The following GATAD2B variants were observed in gnomAD, a reference collection of about 807,000 sequenced individuals.
GATAD2B encodes GATA zinc finger domain containing 2B.
A neutral mutation model predicts 64.3 loss-of-function variants in GATAD2B; 8 were observed. The ratio of observed to expected loss-of-function variants is 0.12; its 90% CI spans 0.07 to 0.22. The LOEUF (loss-of-function observed/expected upper bound fraction) is 0.22, where lower values mean the gene tolerates loss of function less well. Among genes scored for constraint, GATAD2B ranks in the 10% least tolerant of loss-of-function variants. The pLI, the probability that GATAD2B is intolerant of heterozygous loss-of-function variation, is 1.00. For missense variants in GATAD2B, 453 were observed against 752.0 expected, an observed-to-expected ratio of 0.60 and a Z score of 4.65; for synonymous variants, 281 against 271.3, an observed-to-expected ratio of 1.04 and a Z score of -0.35.
chr1:153,818,989 A>G, intron 3 of GATAD2B, 67 bp from the exon 4 acceptor site: 2 of 1,512,136 alleles, frequency 1.3e-6, no homozygotes, highest in Non-Finnish European at 1.8e-6. Flanking sequence ...GCAAGAGACA[A>G]TCTTTACTTC....
chr1:153,835,317 A>T (rs536401340), intron 1 of GATAD2B, among the ~76,000 whole-genome samples: 1 of 152,172 alleles, frequency 6.6e-6, no homozygotes, highest in African/African-American at 2.4e-5. Flanking sequence ...CCAATGTTGA[A>T]AGCAGTTCTA....
chr1:153,815,281 A>AAAAC (rs1557780202), intron 7 of GATAD2B, among the ~76,000 whole-genome samples: 20 of 75,562 alleles, frequency 2.6e-4, no homozygotes, highest in Non-Finnish European at 6.1e-4. Flanking sequence ...TCAAAAAAAC[A>AAAAC]AAAAAAAAAA....
chr1:153,893,841 CCAGCTACT>C (rs1259163627), intron 1 of GATAD2B, among the ~76,000 whole-genome samples: 2 of 150,566 alleles, frequency 1.3e-5, no homozygotes, highest in Admixed American at 1.3e-4. Context: ...GCCCGTAATC[CCAGCTACT>C]CAGGAGGCTG....
intron 1 of GATAD2B, among the ~76,000 whole-genome samples, chr1:153,870,020 C>T (rs909220314): frequency 5.9e-5 from 9 of 152,126 alleles, no homozygotes; most frequent in African/African-American, 1.9e-4. Context: ...TCTCGGCTCA[C>T]TGCAACCTCT....
rs1177607472 is a variant in GATAD2B, at chr1:153,809,696, A to G, written c.*481T>C. On this transcript the variant is annotated 3_prime_UTR_variant, in exon 11 of 11. Coordinates refer to ENST00000368655, the MANE Select transcript of GATAD2B (RefSeq NM_020699.4). ...TGCAATGCTCGTATCATTGAACTGA[A>G]TGTCATTTGTGTTTACAAAAAAAAA... is the stretch of plus-strand genomic sequence containing the variant. 2 of 149,218 alleles carry G rather than the reference A, an allele frequency of 1.3e-5. No individual in the cohort carries two copies. Among genetic ancestry groups the G allele is most frequent in the African/African-American group, 5.0e-5 (2 of 40,044 alleles). 9.2% of individuals were successfully genotyped at this position (149,218 alleles called of 1,614,324 possible).
chr1:153,876,350 T>C (rs184398371), intron 1 of GATAD2B, among the ~76,000 whole-genome samples: 14 of 151,586 alleles, frequency 9.2e-5, no homozygotes, highest in African/African-American at 3.4e-4. Context: ...CTATGCTATC[T>C]ATATTGTCAT....
chr1:153,882,934 G>A (rs901020426), intron 1 of GATAD2B, among the ~76,000 whole-genome samples: 23 of 152,286 alleles, frequency 1.5e-4, no homozygotes, highest in Admixed American at 1.5e-3. Context: ...GAGGAAGAAG[G>A]GCAATGGTAA....
Position 153,817,374 on chromosome 1 carries a change from G to C in GATAD2B, c.898C>G (p.Pro300Ala), listed in dbSNP as rs1674512716. 1 of 1,563,380 alleles carries C rather than the reference G, an allele frequency of 6.4e-7. No homozygotes were observed. The highest frequency in any genetic ancestry group is 1.4e-5 in the African/African-American group (1 of 73,280). ...ATTAGGGCTCAGCTCTCTCTTACCG[G>C]TTGATAATTGATGGCGGGATTCATG... Reference protein sequence around the residue: ...PNMNPAINYQPQSSSSVPCQR... With the variant: ...PNMNPAINYQAQSSSSVPCQR... Residue 300 changes from proline to alanine, a missense_variant and splice_region_variant, in exon 6 of 11, where the codon CCG becomes GCG. By Grantham distance (27) the Pro-to-Ala change is conservative. Transcript: ENST00000368655.
chr1:153,886,713 G>C (rs975101068), intron 1 of GATAD2B, among the ~76,000 whole-genome samples: 1 of 151,044 alleles, frequency 6.6e-6, no homozygotes, highest in Admixed American at 6.6e-5. Flanking sequence ...CAACACGCCC[G>C]GCTAATTTTT....
At position 153,886,018 on chromosome 1, in the gene GATAD2B, T is replaced by C. The variant is rs185977032; in HGVS notation, c.-2+36715A>G. Among the ~76,000 whole-genome samples, 7 of 152,282 alleles carry C rather than the reference T, an allele frequency of 4.6e-5. No homozygotes were observed. In the South Asian group the frequency reaches 6.2e-4, roughly 14 times the overall value. ...GCTTAGGCAACAGAGTTCAAATTGA[T>C]TGCAACTGAATGCTTAAAGGTACTC... On this transcript the variant is annotated intron_variant, in intron 1 of 10. Coordinates refer to ENST00000368655, the MANE Select transcript of GATAD2B (RefSeq NM_020699.4).
chr1:153,858,840 T>C (rs1476009800), intron 1 of GATAD2B, among the ~76,000 whole-genome samples: 1 of 149,986 alleles, frequency 6.7e-6, no homozygotes, highest in Non-Finnish European at 1.5e-5. Flanking sequence ...GGTCAGAGAG[T>C]GGTGTTAGGG....
intron 1 of GATAD2B, among the ~76,000 whole-genome samples, chr1:153,906,356 T>C (rs1021811710): frequency 6.6e-6 from 1 of 152,044 alleles, no homozygotes; most frequent in Non-Finnish European, 1.5e-5. Context: ...GAGGCAGAGG[T>C]TGCAGTGAAC....
Position 153,816,970 on chromosome 1 carries a change from G to A in GATAD2B, c.901-382C>T, listed in dbSNP as rs944195565. Among the ~76,000 whole-genome samples the A allele has an allele frequency of 3.3e-5, 5 of 152,070 alleles. No individual in the cohort carries two copies. Among genetic ancestry groups the A allele is most frequent in the African/African-American group, 1.2e-4 (5 of 41,416 alleles). The stretch of plus-strand genomic sequence containing the variant: ...AATTCCTTGAACCCAGGAGGCAGAG[G>A]TTGCAGTGAGCCAAGATCATGCCAC... On this transcript the variant is annotated intron_variant, in intron 6 of 10. Transcript: ENST00000368655. The surrounding 1 kb of genome is among the most constrained non-coding windows in gnomAD (Gnocchi z 4.9).
chr1:153,852,944 T>A, intron 1 of GATAD2B: 1 of 851,932 alleles, frequency 1.2e-6, no homozygotes, highest in South Asian at 1.4e-5. Context: ...AAGCTTGTGT[T>A]AATGCTGCCA....
At chr1:153,915,207 ACAAGGTCAAGAGAT>A (rs1353880851) in intron 1 of GATAD2B, among the ~76,000 whole-genome samples, 1 of 152,142 alleles carries the variant, frequency 6.6e-6, no homozygotes, top group Non-Finnish European at 1.5e-5. Context: ...CAGGCGGATC[ACAAGGTCAAGAGAT>A]CAAGACCAGC....
At chr1:153,897,734 A>G (rs1677639173) in intron 1 of GATAD2B, among the ~76,000 whole-genome samples, 1 of 152,170 alleles carries the variant, frequency 6.6e-6, no homozygotes. Flanking sequence ...CACTCCTGCT[A>G]TATAGGTTAA....
intron 1 of GATAD2B, among the ~76,000 whole-genome samples, chr1:153,846,603 C>A (rs1265865553): frequency 6.7e-6 from 1 of 148,684 alleles, no homozygotes; most frequent in Non-Finnish European, 1.5e-5. Flanking sequence ...ACTCTGTCGC[C>A]CAGGCTGGAA....
chr1:153,855,568 G>A (rs952634795), intron 1 of GATAD2B, among the ~76,000 whole-genome samples: 4 of 152,212 alleles, frequency 2.6e-5, no homozygotes, highest in Admixed American at 1.3e-4. Context: ...CACAAATTTA[G>A]TGGCTTAAAC....
At chr1:153,848,109 T>C (rs1675752216) in intron 1 of GATAD2B, among the ~76,000 whole-genome samples, 1 of 152,058 alleles carries the variant, frequency 6.6e-6, no homozygotes, top group Non-Finnish European at 1.5e-5. Context: ...CCCCTCACCA[T>C]ACCAACTTGG....
Sources: allele counts gnomAD v4.1 joint callset (sites outside exome capture counted in the v4.1 genomes callset), GRCh38; gene constraint gnomAD v4.1.1; non-coding constraint Gnocchi (gnomAD v3.1); transcripts MANE v1.5; gene names NCBI Gene and HGNC (gene_info 2026-07-23, HGNC 2026-07-21).